TGM4: variants seen among roughly 807,000 people sequenced by gnomAD.
The protein encoded by TGM4 is protein-glutamine gamma-glutamyltransferase 4.
A neutral mutation model predicts 76.3 loss-of-function variants in TGM4; 61 were observed. That is an observed-to-expected ratio of 0.80 (90% CI 0.65 to 0.99). TGM4 has a LOEUF of 0.99. TGM4 is among the 50% of genes least tolerant of loss of function. The probability of loss-of-function intolerance (pLI) is 0.00; values close to 1 mark genes in which losing one functional copy is unlikely to be tolerated. For missense variants in TGM4, 794 were observed against 843.2 expected (o/e 0.94, Z 0.72); for synonymous variants, 337 against 329.8 (o/e 1.02, Z -0.24).
chr3:44,910,768 T>C lies in TGM4; in HGVS notation c.1607-190T>C, dbSNP rs150304704. Among the ~76,000 whole-genome samples, 144 of 152,304 alleles carry C rather than the reference T, an allele frequency of 9.5e-4. 5 individuals are homozygous for C. In the East Asian group the frequency reaches 0.015, roughly 16 times the overall value. On this transcript the variant is annotated intron_variant, in intron 11 of 13. Coordinates refer to ENST00000296125, the MANE Select transcript of TGM4 (RefSeq NM_003241.4). ...TCTGTCATGGACTCAGGATGTAAGCTTGGAGAACTTGGCCAATTATTATTC... is the reference window on the plus strand; with the variant it reads ...TCTGTCATGGACTCAGGATGTAAGCCTGGAGAACTTGGCCAATTATTATTC...
intron 6 of TGM4, chr3:44,899,531 A>C (rs1699824397): frequency 6.6e-6 from 1 of 152,176 alleles, no homozygotes; most frequent in African/African-American, 2.4e-5. Flanking sequence ...CTTCACCCTT[A>C]GAAATTCGTG....
intron 2 of TGM4, among the ~76,000 whole-genome samples, chr3:44,887,125 G>A (rs1410392596): frequency 6.6e-6 from 1 of 152,236 alleles, no homozygotes; most frequent in Non-Finnish European, 1.5e-5. Context: ...GTCATGACAG[G>A]GAGGAAAGTG....
intron 3 of TGM4, among the ~76,000 whole-genome samples, chr3:44,889,788 A>G (rs1699663842): frequency 6.6e-6 from 1 of 151,668 alleles, no homozygotes; most frequent in Non-Finnish European, 1.5e-5. Context: ...TCCAAGAGAA[A>G]GGTGTTTTTT....
At chr3:44,891,532 CACACACACAA>C (rs1699697566) in intron 4 of TGM4, among the ~76,000 whole-genome samples, 1 of 152,066 alleles carries the variant, frequency 6.6e-6, no homozygotes, top group African/African-American at 2.4e-5. Flanking sequence ...CACACACACA[CACACACACAA>C]GCTTTTTATT....
At position 44,914,524 on chromosome 3, in the gene TGM4, C is replaced by T. The variant is rs1700057041; in HGVS notation, c.*799C>T. ...CAAGGCTGCTTCTGTTAACTGAAGC[C>T]TGCTCCTTCTTGTTCTGCCCTCCAG... On this transcript the variant is annotated 3_prime_UTR_variant, in exon 14 of 14. Transcript: ENST00000296125. The T allele has an allele frequency of 6.6e-6, 1 of 152,178 alleles. No individual in the cohort carries two copies. Among genetic ancestry groups the T allele is most frequent in the African/African-American group, 2.4e-5 (1 of 41,412 alleles). 9.4% of individuals were successfully genotyped at this position (152,178 alleles called of 1,614,324 possible).
chr3:44,880,482 G>T (rs1481916932), intron 1 of TGM4, among the ~76,000 whole-genome samples: 4 of 152,208 alleles, frequency 2.6e-5, no homozygotes, highest in Admixed American at 2.6e-4. Flanking sequence ...CTGGGAAGGA[G>T]ACTCTCCAGG....
intron 6 of TGM4, among the ~76,000 whole-genome samples, chr3:44,898,870 T>C (rs1699816339): frequency 6.6e-6 from 1 of 152,200 alleles, no homozygotes; most frequent in Non-Finnish European, 1.5e-5. Context: ...CATGCTGGTA[T>C]GTTCATTCTC....
rs1700044492 is a variant in TGM4 at position 44,913,910 on chromosome 3, G to C, written c.*185G>C. 2 of 679,676 alleles carry C rather than the reference G, an allele frequency of 2.9e-6. No homozygotes were observed. Among genetic ancestry groups the C allele is most frequent in the Non-Finnish European group, 4.7e-6 (2 of 427,402 alleles). The allele number at this position is 679,676 out of a possible 1,614,324, so 42.1% of individuals were successfully genotyped here. ...CAAGGCCAGGTCCTGTGCTATCACAGGGTCACCTCTTTTACAGTTAGAAAC... is the reference window on the plus strand; with the variant it reads ...CAAGGCCAGGTCCTGTGCTATCACACGGTCACCTCTTTTACAGTTAGAAAC... On this transcript the variant is annotated 3_prime_UTR_variant, in exon 14 of 14. Transcript: ENST00000296125.
intron 9 of TGM4, among the ~76,000 whole-genome samples, chr3:44,904,802 C>A (rs539035979): frequency 6.6e-6 from 1 of 151,974 alleles, no homozygotes; most frequent in East Asian, 1.9e-4. Context: ...CTGTCTCAGT[C>A]TCCTGAGTAG....
At chr3:44,892,790 A>G (rs547937130) in intron 4 of TGM4, among the ~76,000 whole-genome samples, 3,155 of 152,174 alleles carry the variant, frequency 0.021, 58 homozygotes, top group Middle Eastern at 0.065. Flanking sequence ...CAATTTCTTT[A>G]TCTTTCTTTG....
intron 5 of TGM4, 55 bp from the exon 6 acceptor site, chr3:44,896,654 A>G: frequency 1.3e-6 from 2 of 1,550,058 alleles, no homozygotes; most frequent in East Asian, 4.5e-5. Context: ...GTATGTGTTA[A>G]GTTTCTGACA....
intron 2 of TGM4, 137 bp from the exon 3 acceptor site, chr3:44,887,552 C>A: frequency 1.4e-6 from 1 of 703,324 alleles, no homozygotes; most frequent in Non-Finnish European, 2.4e-6. Context: ...ATTAGAGGGG[C>A]TGGAGCCAGG....
At chr3:44,890,495 C>T in intron 3 of TGM4, 108 bp from the exon 4 acceptor site, 1 of 1,488,960 alleles carries the variant, frequency 6.7e-7, no homozygotes, top group South Asian at 1.3e-5. Context: ...CAGGCTGGTT[C>T]CAGATGGGAT....
chr3:44,885,938 T>C (rs1051820785), intron 2 of TGM4, among the ~76,000 whole-genome samples: 7 of 152,210 alleles, frequency 4.6e-5, no homozygotes, highest in Admixed American at 1.3e-4. Context: ...TAGGTAAATA[T>C]ATGTGCATAA....
rs1411391828 is a variant in TGM4, at chr3:44,901,687, T to C, written c.821T>C (p.Ile274Thr). 1 of 1,613,984 alleles carries C rather than the reference T, an allele frequency of 6.2e-7. No homozygotes were observed. Among genetic ancestry groups the C allele is most frequent in the Non-Finnish European group, 8.5e-7 (1 of 1,179,882 alleles). Residue 274 changes from isoleucine to threonine, a missense_variant, in exon 7 of 14, where the codon ATC becomes ACC. By Grantham distance (89) the Ile-to-Thr change is moderately conservative (BLOSUM62 -1). Transcript: ENST00000296125. ...CFGQCWVFAG[I>T]LTTVLRALGI... is the part of the protein sequence containing the mutation. Reference sequence around the variant, plus strand: ...GGCCAGTGCTGGGTGTTTGCTGGGATCCTGACTACAGGTAAGTGGCAGATC... The same window carrying C: ...GGCCAGTGCTGGGTGTTTGCTGGGACCCTGACTACAGGTAAGTGGCAGATC...
chr3:44,898,733 G>A (rs946302284), intron 6 of TGM4, among the ~76,000 whole-genome samples: 1 of 152,200 alleles, frequency 6.6e-6, no homozygotes, highest in Non-Finnish European at 1.5e-5. Context: ...GTTGCACGTG[G>A]TATGCCTCAT....
chr3:44,886,096 C>T (rs1159569172), intron 2 of TGM4, among the ~76,000 whole-genome samples: 1 of 152,182 alleles, frequency 6.6e-6, no homozygotes, highest in Non-Finnish European at 1.5e-5. Context: ...GTAATCCCAG[C>T]ATTTTGGGAG....
chr3:44,886,865 A>C (rs1187576039), intron 2 of TGM4, among the ~76,000 whole-genome samples: 1 of 152,160 alleles, frequency 6.6e-6, no homozygotes, highest in Non-Finnish European at 1.5e-5. Flanking sequence ...GAAACCAAAA[A>C]CAAGAGGCTC....
In TGM4 at chr3:44,910,123, C is replaced by G; in HGVS notation, c.1361C>G (p.Ala454Gly). 2.5e-6 allele frequency: 4 copies of G among 1,614,182 alleles called. No homozygotes were observed. Among genetic ancestry groups the G allele is most frequent in the Non-Finnish European group, 3.4e-6 (4 of 1,180,036 alleles). ...SSEERQVMDH[A>G]FLLLSSEREH... The stretch of plus-strand genomic sequence containing the variant: ...GAGGAGAGGCAGGTCATGGATCATG[C>G]CTTCCTCCTTCTCAGTTCTGAGAGG... The change falls in exon 11 of 14, where the codon GCC becomes GGC. Residue 454 changes from alanine (A) to glycine (G), a missense_variant. Transcript: ENST00000296125.
Sources: gnomAD v4.1 joint callset for allele counts (sites outside exome capture counted in the v4.1 genomes callset) on GRCh38, gnomAD v4.1.1 for gene constraint, MANE v1.5 for transcripts, NCBI Gene and HGNC (gene_info 2026-07-23, HGNC 2026-07-21) for gene names.